The following DPM1 variants were observed in gnomAD, a reference collection of about 807,000 sequenced individuals.
DPM1 encodes dolichyl-phosphate mannosyltransferase subunit 1, catalytic.
In DPM1, 27 loss-of-function variants were observed where a neutral mutation model predicts 39.0. The ratio of observed to expected loss-of-function variants is 0.69; its 90% CI spans 0.51 to 0.95. The LOEUF (loss-of-function observed/expected upper bound fraction) is 0.95. Among genes scored for constraint, DPM1 ranks in the 40% least tolerant of loss-of-function variants. DPM1 has a pLI of 0.00. For synonymous variants in DPM1, 124 were observed against 109.0 expected (o/e 1.14, Z -0.86); for missense variants, 307 against 315.6 (o/e 0.97, Z 0.21).
chr20:50,958,548 A>C (rs375992702), upstream of DPM1: 5 of 1,612,624 alleles, frequency 3.1e-6, no homozygotes, highest in Non-Finnish European at 4.2e-6. Context: ...AGATGCCGGA[A>C]GCGGAATTAC....
At position 50,935,225 on chromosome 20, in the gene DPM1, T is replaced by G. The variant is rs763947248; in HGVS notation, c.690A>C (p.Ser230=). ...ATTCACCATAAACACGATCCACAAA[T>G]GATATTGGAACCTAGTTTAAAAAAA... is the stretch of plus-strand genomic sequence containing the variant. ...LNYTIGEVPI[S]FVDRVYGESK... is the part of the protein sequence containing the mutation. The change falls in exon 9 of 9, where the codon TCA becomes TCC. Residue 230 remains serine, a synonymous_variant. Transcript: ENST00000371588. 1.3e-5 allele frequency: 20 copies of G among 1,599,564 alleles called. No individual in the cohort carries two copies. The highest frequency in any genetic ancestry group is 1.7e-5 in the Non-Finnish European group (20 of 1,173,116).
chr20:50,948,194 T>C (rs1183446567), intron 3 of DPM1, among the ~76,000 whole-genome samples: 1 of 152,174 alleles, frequency 6.6e-6, no homozygotes, highest in Non-Finnish European at 1.5e-5. Flanking sequence ...TGACTGGGAA[T>C]TTCCCACAGT....
At position 50,935,243 on chromosome 20, in the gene DPM1, TA is replaced by T. The variant is rs11483542; in HGVS notation, c.679-8del. 0.046 allele frequency: 58,340 copies of T among 1,263,880 alleles called. No individual in the cohort carries two copies. Among genetic ancestry groups the T allele is most frequent in the South Asian group, 0.071 (4,720 of 66,598 alleles). The allele number at this position is 1,263,880 out of a possible 1,614,324, so 78.3% of individuals were successfully genotyped here. ...CCACAAATGATATTGGAACCTAGTT[TA>T]AAAAAAAAAAAGTAACGTTAGTCTT... On this transcript the variant is annotated splice_polypyrimidine_tract_variant and splice_region_variant and intron_variant, in intron 8 of 8. Transcript: ENST00000371588.
intron 2 of DPM1, among the ~76,000 whole-genome samples, chr20:50,951,320 G>GT: frequency 6.6e-6 from 1 of 152,150 alleles, no homozygotes; most frequent in South Asian, 2.1e-4. Flanking sequence ...ACAAAAGATC[G>GT]CCAAGACAGA....
At chr20:50,954,825 G>A (rs1986747702) in intron 2 of DPM1, among the ~76,000 whole-genome samples, 1 of 152,156 alleles carries the variant, frequency 6.6e-6, no homozygotes, top group Non-Finnish European at 1.5e-5. Flanking sequence ...CTTACCGAAA[G>A]GGAGCAAGAA....
chr20:50,946,456 G>A (rs1258498245), intron 3 of DPM1, among the ~76,000 whole-genome samples: 2 of 152,248 alleles, frequency 1.3e-5, no homozygotes, highest in Non-Finnish European at 2.9e-5. Flanking sequence ...CAGGTCTAGA[G>A]ATGATTCTTG....
intron 1 of DPM1, among the ~76,000 whole-genome samples, chr20:50,957,018 G>C (rs1258263120): frequency 6.7e-6 from 1 of 150,350 alleles, no homozygotes; most frequent in Admixed American, 6.6e-5. Flanking sequence ...AATTAAAACA[G>C]CAAAAAAAAA....
chr20:50,947,878 C>T (rs1009908513), intron 3 of DPM1, among the ~76,000 whole-genome samples: 2 of 152,184 alleles, frequency 1.3e-5, no homozygotes, highest in Non-Finnish European at 2.9e-5. Context: ...CTGCCCACCT[C>T]GGCCTCCCAA....
rs6126127 is a variant in DPM1, at chr20:50,938,389, T to A, written c.564-2127A>T. ...AATGAGATTTAACTATTAAAAAAAATTTTTTTTTTTTTTTGAGACAGAGTC... is the reference window on the plus strand; with the variant it reads ...AATGAGATTTAACTATTAAAAAAAAATTTTTTTTTTTTTTGAGACAGAGTC... On this transcript the variant is annotated intron_variant, in intron 7 of 8. Transcript: ENST00000371588. 3.9e-3 allele frequency among the ~76,000 whole-genome samples: 516 copies of A among 133,392 alleles called. 7 individuals are homozygous for A. The East Asian group carries it at 0.047, about 12-fold the overall frequency. 87.5% of individuals were successfully genotyped at this position (133,392 alleles called of 152,430 possible). A position where few individuals can be genotyped will look rare whatever the true frequency, so the allele number is the denominator to read the frequency against.
intron 7 of DPM1, among the ~76,000 whole-genome samples, chr20:50,936,628 GAAC>G (rs1196601318): frequency 3.9e-5 from 6 of 152,240 alleles, no homozygotes; most frequent in African/African-American, 7.2e-5. Flanking sequence ...TCCAAATATT[GAAC>G]AACAGGGTGG....
chr20:50,947,965 G>T (rs990118484), intron 3 of DPM1, among the ~76,000 whole-genome samples: 4 of 152,102 alleles, frequency 2.6e-5, no homozygotes, highest in African/African-American at 7.2e-5. Context: ...TAACTTAAAG[G>T]ATGTTCCAAG....
At chr20:50,953,824 G>A (rs1986701025) in intron 2 of DPM1, among the ~76,000 whole-genome samples, 1 of 152,204 alleles carries the variant, frequency 6.6e-6, no homozygotes, top group South Asian at 2.1e-4. Context: ...AAAGTGTTGT[G>A]AATCAGTGGC....
chr20:50,936,916 A>G (rs1421280902), intron 7 of DPM1, among the ~76,000 whole-genome samples: 2 of 152,216 alleles, frequency 1.3e-5, no homozygotes, highest in Non-Finnish European at 2.9e-5. Context: ...GTGCAGCCTA[A>G]CTTTAGATGG....
Position 50,945,937 on chromosome 20 carries a change from T to G in DPM1, c.296-14A>C. The G allele has an allele frequency of 1.2e-6, 2 of 1,606,350 alleles. No individual in the cohort carries two copies. Among genetic ancestry groups the G allele is most frequent in the Admixed American group, 1.7e-5 (1 of 60,004 alleles). ...TATATGCAGTTCCTAAAAATGAAAG[T>G]AGATCCATTCAAGAAAATCAACAGA... On this transcript the variant is annotated splice_polypyrimidine_tract_variant and intron_variant, in intron 3 of 8. Coordinates refer to ENST00000371588, the MANE Select transcript of DPM1 (RefSeq NM_003859.3).
Position 50,958,526 on chromosome 20 carries a change from C to A in DPM1, c.-3G>T, listed in dbSNP as rs577595168. 8.7e-6 allele frequency: 14 copies of A among 1,613,300 alleles called. No homozygotes were observed. The highest frequency in any genetic ancestry group is 1.2e-5 in the Non-Finnish European group (14 of 1,179,978). ...CGACTGACTTCCAAGGAGGCCATGG[C>A]GGAACTGAGCCAGATGCCGGAAGCG... On this transcript the variant is annotated 5_prime_UTR_variant, in exon 1 of 9. Coordinates refer to ENST00000371588, the MANE Select transcript of DPM1 (RefSeq NM_003859.3).
chr20:50,951,839 C>T (rs776709012), intron 2 of DPM1, among the ~76,000 whole-genome samples: 2 of 152,128 alleles, frequency 1.3e-5, no homozygotes, highest in African/African-American at 2.4e-5. Context: ...AAGGCAACTT[C>T]GGTTTTACTG....
intron 3 of DPM1, among the ~76,000 whole-genome samples, chr20:50,946,172 A>G (rs6126129): frequency 6.6e-6 from 1 of 152,040 alleles, no homozygotes; most frequent in Non-Finnish European, 1.5e-5. Flanking sequence ...CTATTTCAGT[A>G]TAGCAAAGAA....
chr20:50,954,127 G>A (rs970961643), intron 2 of DPM1, among the ~76,000 whole-genome samples: 1 of 151,904 alleles, frequency 6.6e-6, no homozygotes, highest in African/African-American at 2.4e-5. Context: ...TAAGTAGAAA[G>A]TATTTCTATT....
intron 2 of DPM1, among the ~76,000 whole-genome samples, chr20:50,949,147 C>A (rs1601050155): frequency 2.0e-5 from 3 of 152,348 alleles, no homozygotes. Context: ...GCATGAGTCA[C>A]CGCGCCCGTC....
Sources: gnomAD v4.1 joint callset for allele counts (sites outside exome capture counted in the v4.1 genomes callset) on GRCh38, gnomAD v4.1.1 for gene constraint, MANE v1.5 for transcripts, NCBI Gene and HGNC (gene_info 2026-07-23, HGNC 2026-07-21) for gene names.